The following RNF214 variants were observed in gnomAD, a reference collection of about 807,000 sequenced individuals.
The protein encoded by RNF214 is ring finger protein 214.
A neutral mutation model predicts 75.9 loss-of-function variants in RNF214; 25 were observed. The observed-to-expected ratio is 0.33, with a 90% confidence interval of 0.24 to 0.46. RNF214 has a LOEUF of 0.46. Among genes scored for constraint, RNF214 ranks in the 20% least tolerant of loss-of-function variants. RNF214 has a pLI of 1.00. For synonymous variants in RNF214, 314 were observed against 308.8 expected, an observed-to-expected ratio of 1.02 and a Z score of -0.18; for missense variants, 725 against 857.5, an observed-to-expected ratio of 0.85 and a Z score of 1.93.
At chr11:117,257,047 C>G (rs1474754230) in intron 6 of RNF214, among the ~76,000 whole-genome samples, 1 of 152,126 alleles carries the variant, frequency 6.6e-6, no homozygotes, top group Non-Finnish European at 1.5e-5. Context: ...TTATAAGAAT[C>G]ATTATGGCCT....
intron 6 of RNF214, among the ~76,000 whole-genome samples, chr11:117,271,377 T>C (rs549185219): frequency 6.6e-6 from 1 of 152,360 alleles, no homozygotes; most frequent in African/African-American, 2.4e-5. Context: ...GCATTTGCCG[T>C]CCCTGTGCTG....
rs1355961365 is a variant in RNF214, at chr11:117,282,138, C to T, written c.1580C>T (p.Pro527Leu). Residue 527 changes from proline (P) to leucine (L), a missense_variant, in exon 11 of 15, where the codon CCT becomes CTT. Transcript: ENST00000300650. Reference protein sequence around the residue: ...LVSPHGPHMPPAASIPPPPGL... With the variant: ...LVSPHGPHMPLAASIPPPPGL... ...AGCCCCCACGGTCCACACATGCCCC[C>T]TGCCGCCTCCATCCCACCTCCCCCA... is the stretch of plus-strand genomic sequence containing the variant. 2.5e-6 allele frequency: 4 copies of T among 1,613,986 alleles called. No individual in the cohort carries two copies. The highest frequency in any genetic ancestry group is 3.4e-6 in the Non-Finnish European group (4 of 1,179,992).
intron 6 of RNF214, among the ~76,000 whole-genome samples, chr11:117,250,821 C>T (rs1435129280): frequency 2.1e-5 from 3 of 146,160 alleles, no homozygotes; most frequent in East Asian, 2.0e-4. Flanking sequence ...TGACTCTTAA[C>T]GAGCATGCTG....
intron 2 of RNF214, among the ~76,000 whole-genome samples, chr11:117,237,286 T>C (rs1199968717): frequency 2.6e-5 from 4 of 152,174 alleles, no homozygotes; most frequent in Non-Finnish European, 4.4e-5. Context: ...TTGCTATGTT[T>C]CCCAGGCTAG....
rs377528201 is a variant in RNF214, at chr11:117,285,173, A to G, written c.*22A>G. 4.3e-5 allele frequency: 67 copies of G among 1,558,930 alleles called. No individual in the cohort carries two copies. Among genetic ancestry groups the G allele is most frequent in the Non-Finnish European group, 5.6e-5 (63 of 1,129,812 alleles). ...ATGACGGACCTGACTGGGGAGGAAG[A>G]AGAAGAGAAACTGATGTGAACAGGA... On this transcript the variant is annotated 3_prime_UTR_variant, in exon 15 of 15. Coordinates refer to ENST00000300650, the MANE Select transcript of RNF214 (RefSeq NM_207343.4).
chr11:117,270,551 GC>G (rs1280647945), intron 6 of RNF214, among the ~76,000 whole-genome samples: 1 of 150,588 alleles, frequency 6.6e-6, no homozygotes, highest in Admixed American at 6.6e-5. Flanking sequence ...GTCTGCCTTA[GC>G]CCCCCACTCC....
intron 6 of RNF214, among the ~76,000 whole-genome samples, chr11:117,274,337 C>A (rs694574): frequency 0.32 from 46,168 of 145,528 alleles, 7,920 homozygotes; most frequent in East Asian, 0.66. Flanking sequence ...GCCCCTAGTA[C>A]TGGGAAAACA....
chr11:117,280,935 G>A (rs1186191560), intron 8 of RNF214, among the ~76,000 whole-genome samples: 1 of 147,576 alleles, frequency 6.8e-6, no homozygotes, highest in African/African-American at 2.5e-5. Flanking sequence ...ACGGCAATTA[G>A]CCAGCTACTA....
chr11:117,269,725 C>G (rs1387208013), intron 6 of RNF214, among the ~76,000 whole-genome samples: 1 of 152,220 alleles, frequency 6.6e-6, no homozygotes, highest in Non-Finnish European at 1.5e-5. Flanking sequence ...CTGAACTGTC[C>G]TCAGAAGCAT....
At chr11:117,234,753 TAC>T (rs2032854190) in intron 2 of RNF214, among the ~76,000 whole-genome samples, 1 of 152,214 alleles carries the variant, frequency 6.6e-6, no homozygotes, top group Non-Finnish European at 1.5e-5. Flanking sequence ...GATACACAAT[TAC>T]CCAAACTTAT....
At position 117,285,437 on chromosome 11, in the gene RNF214, C is replaced by G. The variant is rs1201535219; in HGVS notation, c.*286C>G. Reference sequence around the variant, plus strand: ...GGCCTTGAAATTATGATATCCCTGCCCAGGGCTGTTTTCAAATACAATATA... The same window carrying G: ...GGCCTTGAAATTATGATATCCCTGCGCAGGGCTGTTTTCAAATACAATATA... On this transcript the variant is annotated 3_prime_UTR_variant, in exon 15 of 15. Transcript: ENST00000300650. 3.7e-6 allele frequency: 1 copy of G among 269,510 alleles called. No individual in the cohort carries two copies. The highest frequency in any genetic ancestry group is 7.1e-6 in the Non-Finnish European group (1 of 141,810). 16.7% of individuals were successfully genotyped at this position (269,510 alleles called of 1,614,324 possible). A position where few individuals can be genotyped will look rare whatever the true frequency, so the allele number is the denominator to read the frequency against.
intron 2 of RNF214, among the ~76,000 whole-genome samples, chr11:117,238,042 A>G (rs2032960555): frequency 6.6e-6 from 1 of 152,260 alleles, no homozygotes; most frequent in South Asian, 2.1e-4. Context: ...ATTCATCGGT[A>G]TCCCCAAAAG....
Position 117,239,090 on chromosome 11 carries a change from T to G in RNF214, c.597T>G (p.Leu199=). Residue 199 remains leucine, a synonymous_variant, in exon 3 of 15, where the codon CTT becomes CTG. Coordinates refer to ENST00000300650, the MANE Select transcript of RNF214 (RefSeq NM_207343.4). ...DDDQDSSSLK[L]SQNIAVQTDF... is the part of the protein sequence containing the mutation. ...ATCAAGATAGCTCTTCCCTGAAGCT[T>G]TCTCAGAACATTGCTGTACAGGTCA... is the stretch of plus-strand genomic sequence containing the variant. The G allele has an allele frequency of 4.3e-6, 7 of 1,612,870 alleles. No individual in the cohort carries two copies. The highest frequency in any genetic ancestry group is 5.9e-6 in the Non-Finnish European group (7 of 1,179,514).
chr11:117,270,606 C>T (rs754480411), intron 6 of RNF214, among the ~76,000 whole-genome samples: 28 of 151,460 alleles, frequency 1.8e-4, no homozygotes, highest in African/African-American at 6.8e-4. Flanking sequence ...TACTACCACA[C>T]CCGGCTAATT....
intron 4 of RNF214, among the ~76,000 whole-genome samples, chr11:117,243,387 C>T (rs1202630300): frequency 1.3e-5 from 2 of 151,914 alleles, no homozygotes; most frequent in Admixed American, 1.3e-4. Context: ...CTCAAGTGAT[C>T]CACCCGCCTC....
intron 5 of RNF214, among the ~76,000 whole-genome samples, chr11:117,245,746 C>G (rs1441363292): frequency 1.3e-5 from 2 of 152,120 alleles, no homozygotes; most frequent in East Asian, 3.9e-4. Context: ...ACATTCATGT[C>G]AAGTAAAAGA....
chr11:117,255,407 C>G (rs999923160), intron 6 of RNF214, among the ~76,000 whole-genome samples: 1 of 152,230 alleles, frequency 6.6e-6, no homozygotes, highest in Admixed American at 6.5e-5. Flanking sequence ...AAATTCCCCT[C>G]TTAGCCCTTT....
chr11:117,282,211 A>G lies in RNF214; in HGVS notation c.1653A>G (p.Pro551=), dbSNP rs769254304. The change falls in exon 11 of 15, where the codon CCA becomes CCG. Residue 551 remains proline (P), a synonymous_variant. Transcript: ENST00000300650. ...KASAETPRPQ[P]VDKLEKILEK... is the part of the protein sequence containing the mutation. ...CTGCTGAAACTCCCCGGCCCCAACCAGTAGACAAACTGGAGAAGATCCTGG... is the reference window on the plus strand; with the variant it reads ...CTGCTGAAACTCCCCGGCCCCAACCGGTAGACAAACTGGAGAAGATCCTGG... 1.9e-6 allele frequency: 3 copies of G among 1,611,930 alleles called. No individual in the cohort carries two copies. In the South Asian group the frequency reaches 3.3e-5, roughly 18 times the overall value.
At chr11:117,263,877 AG>A in intron 6 of RNF214, 1 of 292,884 alleles carries the variant, frequency 3.4e-6, no homozygotes, top group Non-Finnish European at 6.7e-6. Flanking sequence ...GTAGTCTGGC[AG>A]GACACACAGC....
Sources: gnomAD v4.1 joint callset for allele counts (sites outside exome capture counted in the v4.1 genomes callset) on GRCh38, gnomAD v4.1.1 for gene constraint, MANE v1.5 for transcripts, NCBI Gene and HGNC (gene_info 2026-07-23, HGNC 2026-07-21) for gene names.